Variants in LMF1 observed in about 807,000 individuals in gnomAD.
LMF1 encodes lipase maturation factor 1.
LMF1 carries 68 observed loss-of-function variants against 60.6 expected under a neutral mutation model. The ratio of observed to expected loss-of-function variants is 1.12; its 90% confidence interval spans 0.92 to 1.37. The LOEUF (loss-of-function observed/expected upper bound fraction) is 1.37, where lower values mean the gene tolerates loss of function less well. Among genes scored for constraint, LMF1 ranks in the 40% most tolerant of loss-of-function variants. The pLI, the probability that LMF1 is intolerant of heterozygous loss-of-function variation, is 0.00. For synonymous variants in LMF1, 418 were observed against 324.7 expected, an observed-to-expected ratio of 1.29 and a Z score of -3.09; for missense variants, 948 against 767.2, an observed-to-expected ratio of 1.24 and a Z score of -2.78.
intron 2 of LMF1, among the ~76,000 whole-genome samples, chr16:953,249 A>G (rs1409029704): frequency 2.1e-4 from 15 of 70,694 alleles, no homozygotes; most frequent in Non-Finnish European, 3.5e-4. Flanking sequence ...GTCCACACAG[A>G]CACCCACCCC....
At chr16:970,759 C>T (rs771803044) in intron 1 of LMF1, 29 bp downstream of exon 1, 1 of 1,500,860 alleles carries the variant, frequency 6.7e-7, no homozygotes, top group Admixed American at 2.1e-5. Flanking sequence ...GTGACACTGG[C>T]GGATGTCCCG....
chr16:936,102 T>C (rs1366858275), intron 2 of LMF1, among the ~76,000 whole-genome samples: 3 of 147,712 alleles, frequency 2.0e-5, no homozygotes, highest in African/African-American at 7.4e-5. Flanking sequence ...GGGCACCCCG[T>C]TGGCTGAGGA....
At chr16:975,028 C>G (rs2073109131), upstream of LMF1, among the ~76,000 whole-genome samples, 1 of 152,216 alleles carries the variant, frequency 6.6e-6, no homozygotes, top group South Asian at 2.1e-4. Context: ...CCCCCCACCC[C>G]CCACGTGAGG....
At chr16:952,063 C>T (rs1487088346) in intron 2 of LMF1, among the ~76,000 whole-genome samples, 3 of 152,190 alleles carry the variant, frequency 2.0e-5, no homozygotes. Context: ...CAAAGTCAGG[C>T]ATGTGTGCGT....
chr16:976,078 G>A (rs1274771216), intron 1 of LMF1: 2 of 377,574 alleles, frequency 5.3e-6, no homozygotes, highest in African/African-American at 7.5e-5. Flanking sequence ...CAGCCTGAGT[G>A]GGTACAAACG....
rs1027586754 is a variant in LMF1 at position 874,177 on chromosome 16, C to T, written c.898-2836G>A. Among the ~76,000 whole-genome samples, 6 of 152,240 alleles carry T rather than the reference C, an allele frequency of 3.9e-5. No individual in the cohort carries two copies. The highest frequency in any genetic ancestry group is 7.3e-5 in the Non-Finnish European group (5 of 68,044). On this transcript the variant is annotated intron_variant, in intron 6 of 10. Coordinates refer to ENST00000262301, the MANE Select transcript of LMF1 (RefSeq NM_022773.4). This position sits in a 1 kb window ranked among gnomAD's most constrained non-coding sequence, Gnocchi z 4.1. ...ACTTCAAAAGCATGAACTTACTTTG[C>T]GTTATCTGTGTTGTTTCATCACAAC... is the stretch of plus-strand genomic sequence containing the variant.
At chr16:981,282 C>CTGTG (rs71142797) in exon 1 of LMF1, 294 of 310,638 alleles carry the variant, frequency 9.5e-4, no homozygotes, top group African/African-American at 6.6e-3. Flanking sequence ...GCGAGACGGG[C>CTGTG]TGTGTGTGTG....
intron 10 of LMF1, 182 bp from the exon 11 acceptor site, chr16:854,888 C>A: frequency 1.5e-6 from 1 of 648,672 alleles, no homozygotes; most frequent in African/African-American, 1.8e-5. Flanking sequence ...GCAACTGTTC[C>A]AGTCGGCACC....
intron 4 of LMF1, among the ~76,000 whole-genome samples, chr16:906,101 T>G (rs2070966556): frequency 6.6e-6 from 1 of 152,220 alleles, no homozygotes; most frequent in Non-Finnish European, 1.5e-5. Context: ...ATCCAGAACT[T>G]CCAGCACCAA....
At chr16:980,770 A>G (rs1410281773) in intron 1 of LMF1, 1 of 150,790 alleles carries the variant, frequency 6.6e-6, no homozygotes, top group Non-Finnish European at 1.5e-5. Flanking sequence ...CCCCTCTCCG[A>G]CCCCGCGGTC....
intron 4 of LMF1, 97 bp from the exon 5 acceptor site, chr16:893,169 A>C: frequency 9.5e-7 from 1 of 1,051,752 alleles, no homozygotes; most frequent in Non-Finnish European, 1.4e-6. Context: ...CCATCCACGA[A>C]GGCCGTGGAT....
chr16:951,235 G>A lies in LMF1; in HGVS notation c.503+3122C>T, dbSNP rs1282624273. ...ATGACAGAGTCAGCTGACAGAGTCA[G>A]CCAACGACAGAGTCAGCCAACGACA... On this transcript the variant is annotated intron_variant, in intron 2 of 10. Transcript: ENST00000262301. Among the ~76,000 whole-genome samples the A allele has an allele frequency of 2.6e-5, 4 of 151,378 alleles. No individual in the cohort carries two copies. In the East Asian group the frequency reaches 7.8e-4, roughly 30 times the overall value.
At chr16:931,189 G>A (rs1036361188) in intron 3 of LMF1, among the ~76,000 whole-genome samples, 1 of 152,072 alleles carries the variant, frequency 6.6e-6, no homozygotes, top group Non-Finnish European at 1.5e-5. Context: ...GAGCACATGA[G>A]GTGCAGCCAA....
In LMF1 at chr16:871,196, C is replaced by G; in HGVS notation, c.1043G>C (p.Arg348Thr). 6.2e-7 allele frequency: 1 copy of G among 1,609,874 alleles called. No homozygotes were observed. The highest frequency in any genetic ancestry group is 8.5e-7 in the Non-Finnish European group (1 of 1,178,844). The change falls in exon 7 of 11, where the codon AGG becomes ACG. Residue 348 changes from arginine to threonine, a missense_variant. Arg to Thr is a moderately conservative substitution (Grantham distance 71). Transcript: ENST00000262301. ...CTCGGGCCGGGCCCCTCGGATGTCC[C>G]TCTGCATCTGCAGAACTCGGTCCTT... ...SLKDRVLQMQRDIRGARPEPR... is the reference protein window; with the variant it reads ...SLKDRVLQMQTDIRGARPEPR...
intron 3 of LMF1, among the ~76,000 whole-genome samples, chr16:916,115 C>T (rs940073109): frequency 3.3e-5 from 5 of 152,194 alleles, no homozygotes; most frequent in African/African-American, 1.2e-4. Context: ...CGTGATTTAA[C>T]ACAACGCTTT....
chr16:964,990 A>T (rs1293961291), intron 1 of LMF1, among the ~76,000 whole-genome samples: 1 of 152,222 alleles, frequency 6.6e-6, no homozygotes, highest in Non-Finnish European at 1.5e-5. Context: ...AAAGGACAAA[A>T]CTAGCATGGA....
At position 938,657 on chromosome 16, in the gene LMF1, G is replaced by A. The variant is rs546902344; in HGVS notation, c.504-4403C>T. Among the ~76,000 whole-genome samples the A allele has an allele frequency of 1.8e-4, 28 of 152,338 alleles. No homozygotes were observed. The South Asian group carries it at 5.8e-3, about 32-fold the overall frequency. On this transcript the variant is annotated intron_variant, in intron 2 of 10. Coordinates refer to ENST00000262301, the MANE Select transcript of LMF1 (RefSeq NM_022773.4). ...AGTCCAGGTCCCAGGGCTGTTGGGA[G>A]GACCCGGGCTGTTGAAGCCAGGCAG...
chr16:885,677 A>G (rs1446000761), intron 5 of LMF1, among the ~76,000 whole-genome samples: 1 of 152,246 alleles, frequency 6.6e-6, no homozygotes, highest in Non-Finnish European at 1.5e-5. Context: ...GGAGGTCAGA[A>G]GACTCTCAAA....
At chr16:981,295 TGTGTGTGTGA>T (rs2073353971) in exon 1 of LMF1, 2 of 400,718 alleles carry the variant, frequency 5.0e-6, no homozygotes, top group Non-Finnish European at 4.9e-6. Context: ...TGTGTGTGTG[TGTGTGTGTGA>T]GAGAGAGAGA....
Sources: allele counts gnomAD v4.1 joint callset (sites outside exome capture counted in the v4.1 genomes callset), GRCh38; gene constraint gnomAD v4.1.1; non-coding constraint Gnocchi (gnomAD v3.1); transcripts MANE v1.5; gene names NCBI Gene and HGNC (gene_info 2026-07-23, HGNC 2026-07-21).